CLMN: variants seen among roughly 807,000 people sequenced by gnomAD.
The protein encoded by CLMN is calmin (calponin-like, transmembrane).
Under a neutral mutation model 92.7 loss-of-function variants are expected in CLMN, and 57 were observed. The observed-to-expected ratio is 0.61, with a 90% CI of 0.50 to 0.77. The LOEUF is 0.77. CLMN is among the 30% of genes least tolerant of loss of function. CLMN has a pLI of 0.00. For synonymous variants in CLMN, 466 were observed against 470.6 expected (o/e 0.99, Z 0.13); for missense variants, 1,158 against 1,237.5 (o/e 0.94, Z 0.96).
chr14:95,235,174 C>T (rs962203375), intron 1 of CLMN, among the ~76,000 whole-genome samples: 10 of 152,146 alleles, frequency 6.6e-5, no homozygotes, highest in African/African-American at 2.4e-4. Flanking sequence ...ACAATTTAAA[C>T]GTGATCAGTA....
chr14:95,300,891 G>A (rs147745422), intron 1 of CLMN, among the ~76,000 whole-genome samples: 49 of 152,262 alleles, frequency 3.2e-4, no homozygotes, highest in African/African-American at 1.1e-3. Context: ...CCGAGCAGAC[G>A]CTCAATAAAT....
chr14:95,271,169 C>T (rs977610289), intron 1 of CLMN, among the ~76,000 whole-genome samples: 1 of 152,172 alleles, frequency 6.6e-6, no homozygotes, highest in Non-Finnish European at 1.5e-5. Context: ...TTATCTATTA[C>T]GGAGATGCAA....
chr14:95,202,836 AC>A lies in CLMN; in HGVS notation c.2511+1del. The stretch of plus-strand genomic sequence containing the variant: ...GGGTTCCCAAATCCCACGGTTGAGT[AC>A]CTGATGGCTGTCCATGGGGTCATTC... On this transcript the variant is annotated splice_donor_variant, in intron 9 of 12. Transcript: ENST00000298912. LOFTEE classifies it high-confidence loss of function. The A allele has an allele frequency of 1.3e-6, 2 of 1,521,134 alleles. No individual in the cohort carries two copies. Among genetic ancestry groups the A allele is most frequent in the Non-Finnish European group, 1.8e-6 (2 of 1,136,642 alleles). 94.2% of individuals were successfully genotyped at this position (1,521,134 alleles called of 1,614,324 possible).
At chr14:95,245,797 T>A (rs1158120150) in intron 1 of CLMN, among the ~76,000 whole-genome samples, 1 of 90,880 alleles carries the variant, frequency 1.1e-5, no homozygotes. Context: ...GTTGGATTAT[T>A]GGATGGATGG....
chr14:95,295,887 G>T (rs1023985017), intron 1 of CLMN, among the ~76,000 whole-genome samples: 3 of 152,178 alleles, frequency 2.0e-5, no homozygotes. Context: ...AGGCTCCCCC[G>T]ATCACAAGTA....
In CLMN at chr14:95,256,084, C is replaced by T. The variant is rs1365125114; in HGVS notation, c.83-25951G>A. ...CTTAACGAACTTGCCTGCAGTCATA[C>T]AGCTAGAAGTGGGCAGAATGGTAAT... On this transcript the variant is annotated intron_variant, in intron 1 of 12. Transcript: ENST00000298912. The surrounding 1 kb of genome is among the most constrained non-coding windows in gnomAD (Gnocchi z 4.9). 6.6e-6 allele frequency among the ~76,000 whole-genome samples: 1 copy of T among 152,202 alleles called. No homozygotes were observed. Among genetic ancestry groups the T allele is most frequent in the Non-Finnish European group, 1.5e-5 (1 of 68,034 alleles).
chr14:95,299,159 T>C (rs939066280), intron 1 of CLMN, among the ~76,000 whole-genome samples: 5 of 151,866 alleles, frequency 3.3e-5, no homozygotes, highest in African/African-American at 1.2e-4. Context: ...AGCCAGCGGG[T>C]AGAGAAAAGG....
At chr14:95,308,806 C>A (rs1194808711) in intron 1 of CLMN, among the ~76,000 whole-genome samples, 1 of 152,192 alleles carries the variant, frequency 6.6e-6, no homozygotes, top group Non-Finnish European at 1.5e-5. Context: ...GCAACTCCCC[C>A]AGTGTAGCCT....
intron 1 of CLMN, among the ~76,000 whole-genome samples, chr14:95,314,409 C>T (rs896912358): frequency 9.2e-5 from 14 of 152,042 alleles, no homozygotes; most frequent in Admixed American, 8.5e-4. Context: ...AGCCCAGAGT[C>T]ACACACCAGC....
At chr14:95,283,283 T>C (rs1595093200) in intron 1 of CLMN, among the ~76,000 whole-genome samples, 1 of 152,188 alleles carries the variant, frequency 6.6e-6, no homozygotes, top group Non-Finnish European at 1.5e-5. Context: ...CCTTTCACCT[T>C]CCGCCACGAT....
At chr14:95,282,978 A>G (rs934301634) in intron 1 of CLMN, among the ~76,000 whole-genome samples, 14 of 152,246 alleles carry the variant, frequency 9.2e-5, no homozygotes, top group African/African-American at 2.9e-4. Flanking sequence ...CTAAGGTCAC[A>G]GGGCAGTCGG....
chr14:95,202,374 G>A (rs1896908395), intron 9 of CLMN, among the ~76,000 whole-genome samples: 1 of 152,134 alleles, frequency 6.6e-6, no homozygotes, highest in Non-Finnish European at 1.5e-5. Flanking sequence ...TTCCTGTTGG[G>A]CACTAATATT....
intron 1 of CLMN, among the ~76,000 whole-genome samples, chr14:95,296,974 T>C (rs1323015562): frequency 6.6e-6 from 1 of 152,066 alleles, no homozygotes; most frequent in African/African-American, 2.4e-5. Flanking sequence ...ACACCTTCTG[T>C]TGGAGGTGGA....
chr14:95,202,888 C>G lies in CLMN; in HGVS notation c.2461G>C (p.Asp821His), dbSNP rs1834115027. ...SEPAPLAPHE[D>H]HQQRETKEND... ...TCTTTGGTCTCCCTTTGCTGGTGGT[C>G]CTCATGGGGGGCCAGTGGAGCGGGT... Residue 821 changes from aspartate (D) to histidine (H), a missense_variant, in exon 9 of 13, where the codon GAC becomes CAC. By Grantham distance (81) the Asp-to-His change is moderately conservative (BLOSUM62 -1). Coordinates refer to ENST00000298912, the MANE Select transcript of CLMN (RefSeq NM_024734.4). The G allele has an allele frequency of 6.4e-7, 1 of 1,571,910 alleles. No individual in the cohort carries two copies. Among genetic ancestry groups the G allele is most frequent in the Non-Finnish European group, 8.6e-7 (1 of 1,163,620 alleles).
rs2140549672 is a variant in CLMN at position 95,187,262 on chromosome 14, A to C, written c.*4302T>G. 1 of 152,396 alleles carries C rather than the reference A, an allele frequency of 6.6e-6. No individual in the cohort carries two copies. The highest frequency in any genetic ancestry group is 3.4e-3 in the Middle Eastern group (1 of 294). 9.4% of individuals were successfully genotyped at this position (152,396 alleles called of 1,614,324 possible). A position where few individuals can be genotyped will look rare whatever the true frequency, so the allele number is the denominator to read the frequency against. On this transcript the variant is annotated 3_prime_UTR_variant, in exon 13 of 13. Coordinates refer to ENST00000298912, the MANE Select transcript of CLMN (RefSeq NM_024734.4). ...AACACATGAGCCTGTTTCTTCCCTC[A>C]TGAAACCCCATGAAAATAGGAGCAG...
intron 1 of CLMN, among the ~76,000 whole-genome samples, chr14:95,315,570 C>T (rs72710152): frequency 0.032 from 4,946 of 152,344 alleles, 138 homozygotes; most frequent in Middle Eastern, 0.075. Flanking sequence ...CGGGGCTGAT[C>T]CTTCGGAAAA....
At position 95,188,901 on chromosome 14, in the gene CLMN, T is replaced by C. The variant is rs1378854395; in HGVS notation, c.*2663A>G. On this transcript the variant is annotated 3_prime_UTR_variant, in exon 13 of 13. Transcript: ENST00000298912. Reference sequence around the variant, plus strand: ...GGCAGAATACAGACATCTTAAGTCATGCAAAAATCTCAAAATATTTACAAC... The same window carrying C: ...GGCAGAATACAGACATCTTAAGTCACGCAAAAATCTCAAAATATTTACAAC... 6.6e-6 allele frequency: 1 copy of C among 151,460 alleles called. No homozygotes were observed. Among genetic ancestry groups the C allele is most frequent in the Non-Finnish European group, 1.5e-5 (1 of 67,986 alleles). 9.4% of individuals were successfully genotyped at this position (151,460 alleles called of 1,614,324 possible).
At chr14:95,274,910 G>A (rs578233233) in intron 1 of CLMN, among the ~76,000 whole-genome samples, 11 of 150,682 alleles carry the variant, frequency 7.3e-5, no homozygotes, top group Middle Eastern at 3.4e-3. Flanking sequence ...ACCCAGGGGG[G>A]CAGAGGTTGC....
chr14:95,280,372 CA>C (rs1268365780), intron 1 of CLMN, among the ~76,000 whole-genome samples: 1 of 152,158 alleles, frequency 6.6e-6, no homozygotes, highest in Non-Finnish European at 1.5e-5. Context: ...GCAAGATTTT[CA>C]TGTAACATTA....
Sources: gnomAD v4.1 joint callset for allele counts (sites outside exome capture counted in the v4.1 genomes callset) on GRCh38, gnomAD v4.1.1 for gene constraint, Gnocchi (gnomAD v3.1) non-coding constraint, MANE v1.5 for transcripts, NCBI Gene and HGNC (gene_info 2026-07-23, HGNC 2026-07-21) for gene names.